The following HEMK1 variants were observed in gnomAD, a reference collection of about 807,000 sequenced individuals.
The protein encoded by HEMK1 is MTRF1L release factor glutamine methyltransferase.
In HEMK1, 36 loss-of-function variants were observed where a neutral mutation model predicts 47.9. The ratio of observed to expected loss-of-function variants is 0.75; its 90% CI spans 0.58 to 0.99. The LOEUF is 0.99. Among genes scored for constraint, HEMK1 ranks in the 50% least tolerant of loss-of-function variants. The probability of loss-of-function intolerance (pLI) is 0.00; values close to 1 mark genes in which losing one functional copy is unlikely to be tolerated. For synonymous variants in HEMK1, 153 were observed against 165.4 expected (o/e 0.93, Z 0.57); for missense variants, 383 against 434.5 (o/e 0.88, Z 1.05).
At position 50,592,520 on chromosome 3, in the gene HEMK1, C is replaced by T. The variant is rs1050520398; in HGVS notation, c.*12103C>T. On this transcript the variant is annotated 3_prime_UTR_variant, in exon 11 of 11. Coordinates refer to ENST00000232854, the MANE Select transcript of HEMK1 (RefSeq NM_016173.5). ...ACTTTCTCTGACCCTCTGGAACTTT[C>T]CCCTGTTGCCAGCCTCCCTCCAGCA... 2 of 152,264 alleles carry T rather than the reference C, an allele frequency of 1.3e-5. No homozygotes were observed. The highest frequency in any genetic ancestry group is 2.9e-5 in the Non-Finnish European group (2 of 68,080). 9.4% of individuals were successfully genotyped at this position (152,264 alleles called of 1,614,324 possible).
rs1183558082 is a variant in HEMK1, at chr3:50,590,309, A to C, written c.*9892A>C. On this transcript the variant is annotated 3_prime_UTR_variant, in exon 11 of 11. Transcript: ENST00000232854. Reference sequence around the variant, plus strand: ...GGTGGCTCACACTTGTAATCCCAGCACTTTGGGAGGCTGAAGCAGGCAGAT... The same window carrying C: ...GGTGGCTCACACTTGTAATCCCAGCCCTTTGGGAGGCTGAAGCAGGCAGAT... 6.6e-6 allele frequency: 1 copy of C among 152,034 alleles called. No individual in the cohort carries two copies. Among genetic ancestry groups the C allele is most frequent in the East Asian group, 1.9e-4 (1 of 5,186 alleles). 9.4% of individuals were successfully genotyped at this position (152,034 alleles called of 1,614,324 possible).
In HEMK1 at chr3:50,577,584, GA is replaced by G; in HGVS notation, c.614+12del. The G allele has an allele frequency of 6.2e-7, 1 of 1,612,960 alleles. No homozygotes were observed. The highest frequency in any genetic ancestry group is 8.5e-7 in the Non-Finnish European group (1 of 1,179,010). On this transcript the variant is annotated intron_variant, in intron 6 of 10. Transcript: ENST00000232854. ...TGAGAATGCTCAGAGGTAGGTGGGGGAGTTGCACTTTGGGGCCTAATCTTGA... is the reference window on the plus strand; with the variant it reads ...TGAGAATGCTCAGAGGTAGGTGGGGGGTTGCACTTTGGGGCCTAATCTTGA...
In HEMK1 at chr3:50,580,409, G is replaced by A; in HGVS notation, c.1009G>A (p.Gly337Arg). The change falls in exon 11 of 11, where the codon GGG (glycine) becomes AGG (arginine). Residue 337 changes from glycine (G) to arginine (R), a missense_variant. Coordinates refer to ENST00000232854, the MANE Select transcript of HEMK1 (RefSeq NM_016173.5). The stretch of plus-strand genomic sequence containing the variant: ...CCGGTTCCTGCATATCCGGAGGTCT[G>A]GGCCATAGCATGGCTGCCCTGTGGA... ...RPRFLHIRRS[G>R]P The A allele has an allele frequency of 6.2e-7, 1 of 1,614,134 alleles. No individual in the cohort carries two copies. The highest frequency in any genetic ancestry group is 1.6e-4 in the Middle Eastern group (1 of 6,062).
intron 5 of HEMK1, 121 bp downstream of exon 5, chr3:50,577,307 C>G: frequency 8.0e-7 from 1 of 1,252,838 alleles, no homozygotes; most frequent in Non-Finnish European, 1.1e-6. Flanking sequence ...TGAGGGAGGA[C>G]AGGGCTGCCC....
Position 50,577,859 on chromosome 3 carries a change from C to T in HEMK1, c.648C>T (p.His216=). The change falls in exon 7 of 11, where the codon CAC becomes CAT. Residue 216 remains histidine (H), a synonymous_variant. Transcript: ENST00000232854. ...LRLQDRIWII[H]LDMTSERSWT... is the part of the protein sequence containing the mutation. ...TGCAGGACAGGATTTGGATCATCCA[C>T]CTCGACATGACCTCAGGTACCCTCC... 6.2e-7 allele frequency: 1 copy of T among 1,614,138 alleles called. No homozygotes were observed. Among genetic ancestry groups the T allele is most frequent in the Non-Finnish European group, 8.5e-7 (1 of 1,180,026 alleles).
Position 50,580,111 on chromosome 3 carries a change from T to C in HEMK1, c.867-5T>C, listed in dbSNP as rs753668664. 1 of 1,610,274 alleles carries C rather than the reference T, an allele frequency of 6.2e-7. No individual in the cohort carries two copies. Among genetic ancestry groups the C allele is most frequent in the Non-Finnish European group, 8.5e-7 (1 of 1,176,580 alleles). ...GCTGAGCCCACCCATTTCTCCCCCA[T>C]GTAGTAGTATCTTCTTAGAAGTGGA... is the stretch of plus-strand genomic sequence containing the variant. On this transcript the variant is annotated splice_region_variant and splice_polypyrimidine_tract_variant and intron_variant, in intron 9 of 10. Transcript: ENST00000232854.
rs140446128 is a variant in HEMK1, at chr3:50,575,180, T to C, written c.415-1872T>C. Among the ~76,000 whole-genome samples, 30 of 152,160 alleles carry C rather than the reference T, an allele frequency of 2.0e-4. No individual in the cohort carries two copies. The East Asian group carries it at 4.6e-3, about 24-fold the overall frequency. On this transcript the variant is annotated intron_variant, in intron 4 of 10. Transcript: ENST00000232854. The stretch of plus-strand genomic sequence containing the variant: ...GCTTACACCTGTAATCCCAGCACTT[T>C]GGGAGGCTGAGGCGGGTAGATCACC...
At position 50,587,207 on chromosome 3, in the gene HEMK1, G is replaced by T. The variant is rs1324004501; in HGVS notation, c.*6790G>T. The T allele has an allele frequency of 1.3e-5, 2 of 152,218 alleles. No individual in the cohort carries two copies. The highest frequency in any genetic ancestry group is 2.9e-5 in the Non-Finnish European group (2 of 68,052). The allele number at this position is 152,218 out of a possible 1,614,324, so 9.4% of individuals were successfully genotyped here. On this transcript the variant is annotated 3_prime_UTR_variant, in exon 11 of 11. Transcript: ENST00000232854. The surrounding 1 kb of genome is among the most constrained non-coding windows in gnomAD (Gnocchi z 4.2). ...CTTAGCGCAGAAGTTACCTGGGCTT[G>T]TGGACCCTTGGAGCAGGAGCAAGGG...
chr3:50,576,829 C>T (rs866249801), intron 4 of HEMK1, among the ~76,000 whole-genome samples: 1 of 152,234 alleles, frequency 6.6e-6, no homozygotes, highest in Admixed American at 6.5e-5. Context: ...CACCACATCC[C>T]CACGAGGTGG....
chr3:50,595,998 A>T lies in HEMK1; in HGVS notation c.*15581A>T, dbSNP rs1211063527. The stretch of plus-strand genomic sequence containing the variant: ...TGGTCCATCTAGAATTTATGGTGGA[A>T]GGTGTGAGGTAGACGTTGCACTTTT... On this transcript the variant is annotated 3_prime_UTR_variant, in exon 11 of 11. Transcript: ENST00000232854. 1 of 152,220 alleles carries T rather than the reference A, an allele frequency of 6.6e-6. No individual in the cohort carries two copies. Among genetic ancestry groups the T allele is most frequent in the Non-Finnish European group, 1.5e-5 (1 of 68,040 alleles). 9.4% of individuals were successfully genotyped at this position (152,220 alleles called of 1,614,324 possible). A position where few individuals can be genotyped will look rare whatever the true frequency, so the allele number is the denominator to read the frequency against.
rs2031751321 is a variant in HEMK1 at position 50,592,031 on chromosome 3, G to A, written c.*11614G>A. 6.6e-6 allele frequency: 1 copy of A among 151,696 alleles called. No homozygotes were observed. Among genetic ancestry groups the A allele is most frequent in the Non-Finnish European group, 1.5e-5 (1 of 67,934 alleles). The allele number at this position is 151,696 out of a possible 1,614,324, so 9.4% of individuals were successfully genotyped here. On this transcript the variant is annotated 3_prime_UTR_variant, in exon 11 of 11. Transcript: ENST00000232854. ...CAGGAGAATGGCCTGAACCCGGGAG[G>A]CGGAGCTTGCCGTGAGCGGAGATTG...
chr3:50,580,268 T>G (rs1007775880), intron 10 of HEMK1, 39 bp downstream of exon 10: 1 of 1,605,728 alleles, frequency 6.2e-7, no homozygotes, highest in Non-Finnish European at 8.5e-7. Context: ...AGCATGCTGG[T>G]CTTTCCACTG....
chr3:50,589,050 A>C lies in HEMK1; in HGVS notation c.*8633A>C, dbSNP rs1422091346. The C allele has an allele frequency of 6.6e-6, 1 of 152,254 alleles. No individual in the cohort carries two copies. The highest frequency in any genetic ancestry group is 1.5e-5 in the Non-Finnish European group (1 of 68,052). 9.4% of individuals were successfully genotyped at this position (152,254 alleles called of 1,614,324 possible). The stretch of plus-strand genomic sequence containing the variant: ...TAAAATGAGCATCTAGTTAGCAAAA[A>C]TGTATTTTGCAAGTGCAAATTCTTT... On this transcript the variant is annotated 3_prime_UTR_variant, in exon 11 of 11. Coordinates refer to ENST00000232854, the MANE Select transcript of HEMK1 (RefSeq NM_016173.5).
Position 50,577,490 on chromosome 3 carries a change from C to G in HEMK1, c.550-19C>G. 6.2e-7 allele frequency: 1 copy of G among 1,613,118 alleles called. No homozygotes were observed. Among genetic ancestry groups the G allele is most frequent in the South Asian group, 1.1e-5 (1 of 91,058 alleles). ...CTCAGCATTGCCTTCCACATATCCT[C>G]TGTTTGTTCTTGGGACAGAGCCGAG... On this transcript the variant is annotated intron_variant, in intron 5 of 10. Coordinates refer to ENST00000232854, the MANE Select transcript of HEMK1 (RefSeq NM_016173.5).
intron 4 of HEMK1, 26 bp downstream of exon 4, chr3:50,572,234 G>C: frequency 1.1e-5 from 17 of 1,600,682 alleles, no homozygotes; most frequent in Non-Finnish European, 1.4e-5. Context: ...GGGCAAGGCA[G>C]GATCAGGATG....
intron 8 of HEMK1, 110 bp from the exon 9 acceptor site, chr3:50,579,734 C>A: frequency 2.5e-6 from 2 of 786,324 alleles, no homozygotes; most frequent in Non-Finnish European, 4.2e-6. Flanking sequence ...GCCCTTCAGC[C>A]CAGAGTGTAA....
At position 50,580,532 on chromosome 3, in the gene HEMK1, C is replaced by A; in HGVS notation, c.*115C>A. 1.9e-6 allele frequency: 2 copies of A among 1,032,374 alleles called. No individual in the cohort carries two copies. Among genetic ancestry groups the A allele is most frequent in the Non-Finnish European group, 1.4e-6 (1 of 691,004 alleles). 64.0% of individuals were successfully genotyped at this position (1,032,374 alleles called of 1,614,324 possible). A position where few individuals can be genotyped will look rare whatever the true frequency, so the allele number is the denominator to read the frequency against. ...ATTTCCCAGGGTTCTGTGATTTCCC[C>A]ATGCTCTGCATTTCTAGGATATTTC... On this transcript the variant is annotated 3_prime_UTR_variant, in exon 11 of 11. Coordinates refer to ENST00000232854, the MANE Select transcript of HEMK1 (RefSeq NM_016173.5).
chr3:50,571,088 G>A lies in HEMK1; in HGVS notation c.-17G>A. 1 of 1,563,388 alleles carries A rather than the reference G, an allele frequency of 6.4e-7. No individual in the cohort carries two copies. Among genetic ancestry groups the A allele is most frequent in the Non-Finnish European group, 8.7e-7 (1 of 1,152,766 alleles). ...CTTGGGAACCTGGAAGCACTCTGGAGAACCTTTCCCTGAGACATGGAGCTT... is the reference window on the plus strand; with the variant it reads ...CTTGGGAACCTGGAAGCACTCTGGAAAACCTTTCCCTGAGACATGGAGCTT... On this transcript the variant is annotated 5_prime_UTR_variant, in exon 2 of 11. Transcript: ENST00000232854.
rs1293707472 is a variant in HEMK1 at position 50,583,510 on chromosome 3, T to C, written c.*3093T>C. On this transcript the variant is annotated 3_prime_UTR_variant, in exon 11 of 11. Coordinates refer to ENST00000232854, the MANE Select transcript of HEMK1 (RefSeq NM_016173.5). ...GGCCCCATCAGTGCTCTGAGTAGGCTGTCATCAGAACAAAGGGCTCCACTG... is the reference window on the plus strand; with the variant it reads ...GGCCCCATCAGTGCTCTGAGTAGGCCGTCATCAGAACAAAGGGCTCCACTG... 2.0e-5 allele frequency: 3 copies of C among 152,292 alleles called. No individual in the cohort carries two copies. Among genetic ancestry groups the C allele is most frequent in the Non-Finnish European group, 4.4e-5 (3 of 68,104 alleles). 9.4% of individuals were successfully genotyped at this position (152,292 alleles called of 1,614,324 possible). A position where few individuals can be genotyped will look rare whatever the true frequency, so the allele number is the denominator to read the frequency against.
Sources: allele counts gnomAD v4.1 joint callset (sites outside exome capture counted in the v4.1 genomes callset), GRCh38; gene constraint gnomAD v4.1.1; non-coding constraint Gnocchi (gnomAD v3.1); transcripts MANE v1.5; gene names NCBI Gene and HGNC (gene_info 2026-07-23, HGNC 2026-07-21).